Variants in NLRP5 observed in about 807,000 individuals in gnomAD.
NLRP5 encodes the protein NACHT, LRR and PYD domains-containing protein 5.
Under a neutral mutation model 113.1 loss-of-function variants are expected in NLRP5, and 93 were observed. The observed-to-expected ratio is 0.82, with a 90% CI of 0.70 to 0.98. The LOEUF is 0.98. Ranked by LOEUF, NLRP5 falls within the 50% of genes least tolerant of loss-of-function variation. The pLI is 0.00. For missense variants in NLRP5, 1,808 were observed against 1,514.3 expected, an observed-to-expected ratio of 1.19 and a Z score of -3.22; for synonymous variants, 751 against 600.7, an observed-to-expected ratio of 1.25 and a Z score of -3.66.
chr19:56,037,693 C>CAAAA (rs11301032), intron 9 of NLRP5, among the ~76,000 whole-genome samples: 4 of 87,710 alleles, frequency 4.6e-5, no homozygotes, highest in African/African-American at 1.7e-4. Flanking sequence ...GACCCTGTCT[C>CAAAA]AAAAAAAAAA....
At chr19:55,998,732 G>GTATA (rs1196005656), upstream of NLRP5, among the ~76,000 whole-genome samples, 1 of 135,064 alleles carries the variant, frequency 7.4e-6, no homozygotes, top group Non-Finnish European at 1.6e-5. Context: ...ATATATATGT[G>GTATA]TATATATATA....
chr19:56,025,951 G>GTGAGT (rs1170372185), intron 6 of NLRP5, among the ~76,000 whole-genome samples: 1 of 152,118 alleles, frequency 6.6e-6, no homozygotes, highest in East Asian at 1.9e-4. Context: ...AGGTCCAAGA[G>GTGAGT]TGAGTAAGAA....
chr19:56,043,966 G>T (rs1022730247), intron 11 of NLRP5, among the ~76,000 whole-genome samples: 1 of 151,600 alleles, frequency 6.6e-6, no homozygotes. Context: ...TCACTTTTGG[G>T]TTCTTGGTCA....
chr19:55,994,589 A>G, the NLRP5 span, among the ~76,000 whole-genome samples: 12 of 151,982 alleles, frequency 7.9e-5, no homozygotes, highest in Admixed American at 4.6e-4. Flanking sequence ...GTAGAGATGG[A>G]GTTTCACCAT....
intron 7 of NLRP5, among the ~76,000 whole-genome samples, chr19:56,030,602 G>A (rs146908929): frequency 6.6e-6 from 1 of 152,146 alleles, no homozygotes; most frequent in Non-Finnish European, 1.5e-5. Context: ...CTGAAAACGT[G>A]CGCAGCCACA....
upstream of NLRP5, among the ~76,000 whole-genome samples, chr19:55,999,109 C>T (rs929397717): frequency 4.0e-5 from 6 of 151,894 alleles, no homozygotes; most frequent in Non-Finnish European, 8.8e-5. Flanking sequence ...CCCATTTTAT[C>T]CCCCAGTCTC....
intron 11 of NLRP5, among the ~76,000 whole-genome samples, chr19:56,048,979 A>ATTTTTTTTTTTTTTTTTT (rs60229740): frequency 1.1e-5 from 1 of 94,974 alleles, no homozygotes; most frequent in African/African-American, 4.4e-5. Flanking sequence ...TTTTTTTTTA[A>ATTTTTTTTTTTTTTTTTT]TTTTTTTTTT....
chr19:56,013,606 T>TTTTTTG (rs1568485526), intron 3 of NLRP5, among the ~76,000 whole-genome samples: 2 of 138,276 alleles, frequency 1.4e-5, no homozygotes, highest in East Asian at 4.1e-4. Context: ...GTTTTTTTTT[T>TTTTTTG]TTTTTTTTTT....
At chr19:55,997,076 C>T (rs1568477347), upstream of NLRP5, among the ~76,000 whole-genome samples, 2 of 152,208 alleles carry the variant, frequency 1.3e-5, no homozygotes, top group African/African-American at 4.8e-5. Context: ...TTGCATTTCT[C>T]TGATGGCCAG....
intron 1 of NLRP5, among the ~76,000 whole-genome samples, chr19:56,003,418 T>C (rs1392793918): frequency 6.6e-6 from 1 of 152,184 alleles, no homozygotes; most frequent in Non-Finnish European, 1.5e-5. Context: ...TCTCCCAAAG[T>C]GCTGGGATTA....
chr19:56,012,762 C>T (rs1982247449), intron 3 of NLRP5, among the ~76,000 whole-genome samples: 1 of 152,134 alleles, frequency 6.6e-6, no homozygotes. Context: ...ACTGCTGTTG[C>T]TTTCCTGGAA....
upstream of NLRP5, among the ~76,000 whole-genome samples, chr19:55,998,728 A>ATATATATG (rs1262553481): frequency 4.6e-5 from 6 of 130,328 alleles, no homozygotes; most frequent in African/African-American, 1.3e-4. Flanking sequence ...ATATATATAT[A>ATATATATG]TGTGTATATA....
chr19:56,055,572 G>A (rs1388058910), intron 13 of NLRP5, among the ~76,000 whole-genome samples: 14 of 65,824 alleles, frequency 2.1e-4, no homozygotes, highest in Admixed American at 1.1e-3. Flanking sequence ...TTAAGATAGA[G>A]TCTTGCTCTG....
intron 14 of NLRP5, among the ~76,000 whole-genome samples, chr19:56,059,526 ATATT>A (rs532703639): frequency 2.6e-5 from 4 of 152,130 alleles, no homozygotes; most frequent in African/African-American, 9.6e-5. Flanking sequence ...TGGTTGTGGT[ATATT>A]TATTTTATTT....
At chr19:56,024,131 AATAATT>A (rs1436418641) in intron 6 of NLRP5, among the ~76,000 whole-genome samples, 3 of 152,142 alleles carry the variant, frequency 2.0e-5, no homozygotes, top group African/African-American at 4.8e-5. Context: ...GGTGGTATAA[AATAATT>A]ATAGTTTGTG....
the NLRP5 span, among the ~76,000 whole-genome samples, chr19:55,986,888 G>A: frequency 4.6e-5 from 7 of 152,148 alleles, no homozygotes; most frequent in East Asian, 1.9e-4. Flanking sequence ...ATTAGAACCC[G>A]CGTATTGAGC....
At chr19:56,037,855 G>A (rs1259500307) in intron 9 of NLRP5, among the ~76,000 whole-genome samples, 170 bp from the exon 10 acceptor site, 1 of 152,114 alleles carries the variant, frequency 6.6e-6, no homozygotes, top group Non-Finnish European at 1.5e-5. Context: ...GAGGGAGGGA[G>A]GAGGGGAGGT....
rs1276872937 is a variant in NLRP5 at position 56,052,738 on chromosome 19, C to T, written c.3129-900C>T. Among the ~76,000 whole-genome samples the T allele has an allele frequency of 3.3e-5, 5 of 152,220 alleles. No homozygotes were observed. The East Asian group carries it at 7.7e-4, about 23-fold the overall frequency. On this transcript the variant is annotated intron_variant, in intron 12 of 14. Coordinates refer to ENST00000390649, the MANE Select transcript of NLRP5 (RefSeq NM_153447.4). ...ATGTTATTTATGGGGCCACCCACCC[C>T]ATCTTCCCCATTTTTCCTAAGAATA...
intron 6 of NLRP5, 56 bp from the exon 7 acceptor site, chr19:56,026,857 C>A: frequency 6.7e-7 from 1 of 1,502,206 alleles, no homozygotes; most frequent in Non-Finnish European, 9.0e-7. Flanking sequence ...ATGACAGGTG[C>A]GAGCCACTGT....
Sources: gnomAD v4.1 joint callset for allele counts (sites outside exome capture counted in the v4.1 genomes callset) on GRCh38, gnomAD v4.1.1 for gene constraint, MANE v1.5 for transcripts, NCBI Gene and HGNC (gene_info 2026-07-23, HGNC 2026-07-21) for gene names.